The following TBC1D22A variants were observed in gnomAD, a reference collection of about 807,000 sequenced individuals.
TBC1D22A encodes the protein putative GTPase activator.
A neutral mutation model predicts 60.2 loss-of-function variants in TBC1D22A; 38 were observed. That is an observed-to-expected ratio of 0.63 (90% confidence interval 0.49 to 0.83). The LOEUF is 0.83. Among genes scored for constraint, TBC1D22A ranks in the 40% least tolerant of loss-of-function variants. TBC1D22A has a pLI of 0.00. For synonymous variants in TBC1D22A, 302 were observed against 281.7 expected (o/e 1.07, Z -0.72); for missense variants, 628 against 701.0 (o/e 0.90, Z 1.18).
chr22:46,768,344 G>T (rs1016886955), intron 1 of TBC1D22A, among the ~76,000 whole-genome samples: 5 of 151,876 alleles, frequency 3.3e-5, no homozygotes, highest in African/African-American at 1.2e-4. Flanking sequence ...AGTTAGCCAG[G>T]CGTGGTGGCA....
At chr22:46,981,387 T>A (rs1277350130) in intron 9 of TBC1D22A, among the ~76,000 whole-genome samples, 1 of 152,218 alleles carries the variant, frequency 6.6e-6, no homozygotes, top group African/African-American at 2.4e-5. Flanking sequence ...ACCCACACAG[T>A]CCAGTACCAG....
chr22:47,012,709 A>ACC, intron 10 of TBC1D22A, among the ~76,000 whole-genome samples: 1 of 152,184 alleles, frequency 6.6e-6, no homozygotes, highest in Non-Finnish European at 1.5e-5. Context: ...CCACTTTTGG[A>ACC]CTGTGGCCTT....
chr22:46,981,014 G>T (rs2074492840), intron 9 of TBC1D22A, among the ~76,000 whole-genome samples: 1 of 152,242 alleles, frequency 6.6e-6, no homozygotes, highest in Non-Finnish European at 1.5e-5. Flanking sequence ...GAGACAGGTA[G>T]AAAGGAAATG....
Position 46,957,112 on chromosome 22 carries a change from C to T in TBC1D22A, c.1016-17178C>T, listed in dbSNP as rs142059839. 1.1e-4 allele frequency among the ~76,000 whole-genome samples: 17 copies of T among 152,330 alleles called. No homozygotes were observed. In the East Asian group the frequency reaches 3.3e-3, roughly 29 times the overall value. On this transcript the variant is annotated intron_variant, in intron 8 of 12. Coordinates refer to ENST00000337137, the MANE Select transcript of TBC1D22A (RefSeq NM_014346.5). Reference sequence around the variant, plus strand: ...TTTCTGTTAGAGAGGGACGCGGTCTCCACCTTCCAGCCAGCTGATGTACCC... The same window carrying T: ...TTTCTGTTAGAGAGGGACGCGGTCTTCACCTTCCAGCCAGCTGATGTACCC...
intron 4 of TBC1D22A, among the ~76,000 whole-genome samples, chr22:46,805,021 A>G (rs921435048): frequency 1.3e-5 from 2 of 152,200 alleles, no homozygotes; most frequent in African/African-American, 4.8e-5. Context: ...CAGGATCCCC[A>G]GGGACTCATT....
chr22:47,115,656 C>T (rs1409883334), intron 12 of TBC1D22A, among the ~76,000 whole-genome samples: 1 of 152,172 alleles, frequency 6.6e-6, no homozygotes, highest in African/African-American at 2.4e-5. Flanking sequence ...ACCCTGCTTT[C>T]CCTTGGGATC....
intron 7 of TBC1D22A, among the ~76,000 whole-genome samples, chr22:46,896,013 C>T (rs1368023881): frequency 2.0e-5 from 3 of 152,252 alleles, no homozygotes; most frequent in Non-Finnish European, 2.9e-5. Context: ...CTCCGCACGC[C>T]GCACATCCTT....
chr22:46,802,296 C>T (rs1365113181), intron 4 of TBC1D22A, among the ~76,000 whole-genome samples: 2 of 152,198 alleles, frequency 1.3e-5, no homozygotes, highest in African/African-American at 4.8e-5. Flanking sequence ...TCGCTCAGTA[C>T]CCCCGCAACC....
intron 4 of TBC1D22A, among the ~76,000 whole-genome samples, chr22:46,868,625 A>G (rs1329620599): frequency 6.6e-6 from 1 of 152,012 alleles, no homozygotes; most frequent in Non-Finnish European, 1.5e-5. Flanking sequence ...CTGTCATTGT[A>G]CCTCTTGGCT....
At chr22:47,077,639 G>T (rs1215848816) in intron 11 of TBC1D22A, among the ~76,000 whole-genome samples, 1 of 152,200 alleles carries the variant, frequency 6.6e-6, no homozygotes, top group Admixed American at 6.5e-5. Context: ...CCAGCAATGA[G>T]GTGCTCACAC....
At position 46,797,490 on chromosome 22, in the gene TBC1D22A, A is replaced by G. The variant is rs778735146; in HGVS notation, c.507A>G (p.Pro169=). 6.2e-6 allele frequency: 10 copies of G among 1,613,654 alleles called. No homozygotes were observed. The Admixed American group carries it at 1.7e-4, about 27-fold the overall frequency. ...CTCTGCAGAGGTCCCAGTCTCTCCC[A>G]CACTCGGCCACCGTCACGCTGGGTG... The part of the protein sequence containing the change: ...AAPLQRSQSL[P]HSATVTLGGT... Residue 169 remains proline, a synonymous_variant, in exon 4 of 13, where the codon CCA becomes CCG. Transcript: ENST00000337137.
intron 8 of TBC1D22A, among the ~76,000 whole-genome samples, chr22:46,924,927 C>A (rs742240): frequency 0.68 from 103,954 of 152,056 alleles, 35,736 homozygotes; most frequent in South Asian, 0.79. Context: ...TCCCCACAGC[C>A]GGTGGGACAC....
chr22:47,140,354 G>A (rs144604614), intron 12 of TBC1D22A, among the ~76,000 whole-genome samples: 4,437 of 151,916 alleles, frequency 0.029, 178 homozygotes, highest in African/African-American at 0.099. Context: ...GGCGGATCAC[G>A]AGGTCAGGAG....
chr22:47,001,451 G>GAAAAAAAAAAAAAAAAAAAAA (rs60259224), intron 10 of TBC1D22A, among the ~76,000 whole-genome samples: 1 of 104,982 alleles, frequency 9.5e-6, no homozygotes. Flanking sequence ...TCTCAAAAAA[G>GAAAAAAAAAAAAAAAAAAAAA]AAAAAAAAAA....
chr22:46,912,393 A>T (rs1348519728), intron 8 of TBC1D22A, among the ~76,000 whole-genome samples: 1 of 152,236 alleles, frequency 6.6e-6, no homozygotes, highest in Admixed American at 6.5e-5. Context: ...ATTAAATTGC[A>T]GTTATAATGA....
chr22:46,884,018 C>T (rs898488259), intron 5 of TBC1D22A, among the ~76,000 whole-genome samples: 2 of 152,194 alleles, frequency 1.3e-5, no homozygotes, highest in Non-Finnish European at 2.9e-5. Flanking sequence ...CGTGATCACT[C>T]TTGCACTCAG....
At position 47,155,139 on chromosome 22, in the gene TBC1D22A, G is replaced by A. The variant is rs143681298; in HGVS notation, c.1426-18359G>A. On this transcript the variant is annotated intron_variant, in intron 12 of 12. Transcript: ENST00000337137. ...CCTAGGGATGAAATGGAAGGGCAGCGTGATGGGGACGCTCCATGCCGAGCC... is the reference window on the plus strand; with the variant it reads ...CCTAGGGATGAAATGGAAGGGCAGCATGATGGGGACGCTCCATGCCGAGCC... Among the ~76,000 whole-genome samples, 447 of 152,300 alleles carry A rather than the reference G, an allele frequency of 2.9e-3. 1 individual carries two copies. Among genetic ancestry groups the A allele is most frequent in the African/African-American group, 0.01 (430 of 41,564 alleles).
rs138140906 is a variant in TBC1D22A, at chr22:47,094,947, G to A, written c.1330-16561G>A. Among the ~76,000 whole-genome samples, 731 of 152,318 alleles carry A rather than the reference G, an allele frequency of 4.8e-3. 11 individuals are homozygous for A. Among genetic ancestry groups the A allele is most frequent in the Admixed American group, 0.044 (670 of 15,296 alleles). ...ACAGACACATGCCGATAAGAATCTG[G>A]CAAAAGAGAACATGGGTGGCATAGA... On this transcript the variant is annotated intron_variant, in intron 11 of 12. Coordinates refer to ENST00000337137, the MANE Select transcript of TBC1D22A (RefSeq NM_014346.5).
At chr22:47,072,878 C>T (rs759144055) in intron 11 of TBC1D22A, among the ~76,000 whole-genome samples, 4 of 152,224 alleles carry the variant, frequency 2.6e-5, no homozygotes, top group African/African-American at 9.6e-5. Context: ...TGGGAGGGCC[C>T]GCATGGAGCC....
Sources: gnomAD v4.1 joint callset for allele counts (sites outside exome capture counted in the v4.1 genomes callset) on GRCh38, gnomAD v4.1.1 for gene constraint, MANE v1.5 for transcripts, NCBI Gene and HGNC (gene_info 2026-07-23, HGNC 2026-07-21) for gene names.